The following SSC4D variants were observed in gnomAD, a reference collection of about 807,000 sequenced individuals.
SSC4D encodes scavenger receptor cysteine-rich domain-containing group B protein.
SSC4D carries 57 observed loss-of-function variants against 63.4 expected under a neutral mutation model. That is an observed-to-expected ratio of 0.90 (90% CI 0.73 to 1.12). The LOEUF (loss-of-function observed/expected upper bound fraction) is 1.12. Among genes scored for constraint, SSC4D ranks in the 50% most tolerant of loss-of-function variants. The pLI is 0.00. For missense variants in SSC4D, 791 were observed against 806.4 expected, an observed-to-expected ratio of 0.98 and a Z score of 0.23; for synonymous variants, 352 against 345.4, an observed-to-expected ratio of 1.02 and a Z score of -0.21.
At chr7:76,405,320 T>TGTA (rs1563687053) in intron 1 of SSC4D, among the ~76,000 whole-genome samples, 5 of 52,956 alleles carry the variant, frequency 9.4e-5, no homozygotes, top group Non-Finnish European at 1.7e-4. Context: ...TATATATGTA[T>TGTA]TTTTTTCTTT....
rs762110839 is a variant in SSC4D, at chr7:76,390,162, C to T, written c.1625G>A (p.Cys542Tyr). ...CAGCAGAGCACTTTCTTCCCCACGGCACTTGACATTGTCCAGGAGAATGGG... is the reference window on the plus strand; with the variant it reads ...CAGCAGAGCACTTTCTTCCCCACGGTACTTGACATTGTCCAGGAGAATGGG... Reference protein sequence around the residue: ...RGPILLDNVKCRGEESALLLC... With the variant: ...RGPILLDNVKYRGEESALLLC... Residue 542 changes from cysteine (C) to tyrosine (Y), a missense_variant, in exon 11 of 11, where the codon TGC becomes TAC. Cys to Tyr is a radical substitution (Grantham distance 194). Transcript: ENST00000275560. 7 of 1,614,120 alleles carry T rather than the reference C, an allele frequency of 4.3e-6. No homozygotes were observed. In the East Asian group the frequency reaches 1.3e-4, roughly 31 times the overall value.
chr7:76,390,344 T>C lies in SSC4D; in HGVS notation c.1443A>G (p.Arg481=), dbSNP rs1563678761. ...GGTAGAGCTCTACACGTCCCTCGCA[T>C]CGGTGGGCTCCATTGACCAGACGTA... is the stretch of plus-strand genomic sequence containing the variant. ...GHLRLVNGAH[R]CEGRVELYLG... The change falls in exon 11 of 11, where the codon CGA becomes CGG. Residue 481 remains arginine (R), a synonymous_variant. Coordinates refer to ENST00000275560, the MANE Select transcript of SSC4D (RefSeq NM_080744.2). 2.5e-6 allele frequency: 4 copies of C among 1,603,402 alleles called. No homozygotes were observed. The highest frequency in any genetic ancestry group is 3.4e-6 in the Non-Finnish European group (4 of 1,173,904).
At chr7:76,405,979 CTTTCT>C (rs201510499) in intron 1 of SSC4D, among the ~76,000 whole-genome samples, 10 of 148,010 alleles carry the variant, frequency 6.8e-5, no homozygotes, top group East Asian at 2.0e-4. Context: ...CTTTCCTTTC[CTTTCT>C]TTTCTTTTCT....
At position 76,390,132 on chromosome 7, in the gene SSC4D, C is replaced by G. The variant is rs991053622; in HGVS notation, c.1655G>C (p.Cys552Ser). Residue 552 changes from cysteine to serine, a missense_variant, in exon 11 of 11, where the codon TGC becomes TCC. Coordinates refer to ENST00000275560, the MANE Select transcript of SSC4D (RefSeq NM_080744.2). ...CRGEESALLL[C>S]SHIRWDAHNC... ...GTGGGCATCCCAGCGGATATGAGAG[C>G]AGAGCAGCAGAGCACTTTCTTCCCC... 1.2e-6 allele frequency: 2 copies of G among 1,614,220 alleles called. No homozygotes were observed. The highest frequency in any genetic ancestry group is 1.7e-6 in the Non-Finnish European group (2 of 1,180,048).
intron 7 of SSC4D, 84 bp from the exon 8 acceptor site, chr7:76,393,988 A>C: frequency 7.3e-7 from 1 of 1,367,242 alleles, no homozygotes; most frequent in Non-Finnish European, 1.0e-6. Context: ...GCCTACCAAG[A>C]CCCCCAACCC....
rs1040625282 is a variant in SSC4D, at chr7:76,389,921, A to G, written c.*138T>C. 8.9e-7 allele frequency: 1 copy of G among 1,125,050 alleles called. No individual in the cohort carries two copies. The highest frequency in any genetic ancestry group is 2.3e-5 in the Admixed American group (1 of 43,816). The allele number at this position is 1,125,050 out of a possible 1,614,324, so 69.7% of individuals were successfully genotyped here. On this transcript the variant is annotated 3_prime_UTR_variant, in exon 11 of 11. Coordinates refer to ENST00000275560, the MANE Select transcript of SSC4D (RefSeq NM_080744.2). ...GCCAGGCTCCCCCAAGCAGGACTGC[A>G]CTGTCTAGGTAGGCTCTCTCCCAGG...
intron 7 of SSC4D, 117 bp downstream of exon 7, chr7:76,395,136 C>T: frequency 3.3e-6 from 4 of 1,203,664 alleles, no homozygotes; most frequent in Non-Finnish European, 4.8e-6. Context: ...CACCATCTGG[C>T]CAAAGCCCTG....
intron 3 of SSC4D, 32 bp from the exon 4 acceptor site, chr7:76,400,623 T>G: frequency 7.0e-7 from 1 of 1,424,774 alleles, no homozygotes; most frequent in East Asian, 2.7e-5. Context: ...CACCAGGGGG[T>G]CACTGAGTCC....
chr7:76,404,774 A>C (rs1804946681), intron 1 of SSC4D, among the ~76,000 whole-genome samples: 1 of 150,830 alleles, frequency 6.6e-6, no homozygotes, highest in Non-Finnish European at 1.5e-5. Context: ...TGTTACCAAA[A>C]AATGCAAAAA....
In SSC4D at chr7:76,397,840, T is replaced by C; in HGVS notation, c.554-8A>G. ...GGCGTACGCTGCCCTCACCTGGGGA[T>C]GGGGGCGGGGGTCAGGGCGCATCTC... On this transcript the variant is annotated splice_polypyrimidine_tract_variant and splice_region_variant and intron_variant, in intron 5 of 10. Transcript: ENST00000275560. The C allele has an allele frequency of 6.5e-7, 1 of 1,548,638 alleles. No individual in the cohort carries two copies. Among genetic ancestry groups the C allele is most frequent in the African/African-American group, 1.4e-5 (1 of 73,532 alleles).
At position 76,390,367 on chromosome 7, in the gene SSC4D, G is replaced by A. The variant is rs141834404; in HGVS notation, c.1420C>T (p.Arg474Cys). 105 of 1,584,020 alleles carry A rather than the reference G, an allele frequency of 6.6e-5. No homozygotes were observed. The East Asian group carries it at 1.4e-3, about 21-fold the overall frequency. Residue 474 changes from arginine (R) to cysteine (C), a missense_variant, in exon 11 of 11, where the codon CGT (arginine) becomes TGT (cysteine). Arg to Cys is a radical substitution (Grantham distance 180). Coordinates refer to ENST00000275560, the MANE Select transcript of SSC4D (RefSeq NM_080744.2). ...CATCGGTGGGCTCCATTGACCAGACGTAGATGCCCTGTGGGGGGACAGGGC... is the reference window on the plus strand; with the variant it reads ...CATCGGTGGGCTCCATTGACCAGACATAGATGCCCTGTGGGGGGACAGGGC... ...PTPRPRDGHL[R>C]LVNGAHRCEG...
At chr7:76,397,894 C>G (rs1584023075) in intron 5 of SSC4D, 62 bp from the exon 6 acceptor site, 1 of 1,436,622 alleles carries the variant, frequency 7.0e-7, no homozygotes, top group East Asian at 2.5e-5. Context: ...GTCCGCACCG[C>G]AAGGGCAGCC....
At position 76,409,588 on chromosome 7, in the gene SSC4D, T is replaced by G. The variant is rs1354204400; in HGVS notation, c.-241A>C. 6.6e-6 allele frequency: 1 copy of G among 152,352 alleles called. No individual in the cohort carries two copies. Among genetic ancestry groups the G allele is most frequent in the East Asian group, 1.9e-4 (1 of 5,206 alleles). 9.4% of individuals were successfully genotyped at this position (152,352 alleles called of 1,614,324 possible). ...AAGGTGAGCAGAGGCAAAGTCCCTGTCCATGGAGCTGGCTGGTGGCCCCAG... is the reference window on the plus strand; with the variant it reads ...AAGGTGAGCAGAGGCAAAGTCCCTGGCCATGGAGCTGGCTGGTGGCCCCAG... On this transcript the variant is annotated 5_prime_UTR_variant, in exon 1 of 11. Coordinates refer to ENST00000275560, the MANE Select transcript of SSC4D (RefSeq NM_080744.2).
At chr7:76,405,519 A>G (rs1322520716) in intron 1 of SSC4D, among the ~76,000 whole-genome samples, 1 of 150,100 alleles carries the variant, frequency 6.7e-6, no homozygotes, top group Admixed American at 6.7e-5. Flanking sequence ...ATGGTGACAC[A>G]TGTCTGTAGC....
chr7:76,406,277 C>T (rs1002815314), intron 1 of SSC4D, among the ~76,000 whole-genome samples: 11 of 152,178 alleles, frequency 7.2e-5, no homozygotes, highest in African/African-American at 2.4e-4. Flanking sequence ...CGCACCTGGT[C>T]TGTGCATTCG....
intron 1 of SSC4D, among the ~76,000 whole-genome samples, chr7:76,405,979 C>CTTTCTTTTCT (rs201510499): frequency 2.8e-4 from 41 of 148,008 alleles, no homozygotes; most frequent in African/African-American, 8.5e-4. Flanking sequence ...CTTTCCTTTC[C>CTTTCTTTTCT]TTTCTTTTCT....
At position 76,389,854 on chromosome 7, in the gene SSC4D, C is replaced by G. The variant is rs946484043; in HGVS notation, c.*205G>C. On this transcript the variant is annotated 3_prime_UTR_variant, in exon 11 of 11. Coordinates refer to ENST00000275560, the MANE Select transcript of SSC4D (RefSeq NM_080744.2). ...TTCACTGAATTGGGCTCACAACAGT[C>G]GATGACAGGCTGAGGTCACGCAGTA... The G allele has an allele frequency of 1.2e-5, 8 of 641,074 alleles. No individual in the cohort carries two copies. The highest frequency in any genetic ancestry group is 2.7e-6 in the Non-Finnish European group (1 of 376,600). 39.7% of individuals were successfully genotyped at this position (641,074 alleles called of 1,614,324 possible).
At chr7:76,406,928 T>G (rs1158963487) in intron 1 of SSC4D, among the ~76,000 whole-genome samples, 2 of 152,094 alleles carry the variant, frequency 1.3e-5, no homozygotes, top group East Asian at 3.8e-4. Context: ...TTTCTCATTT[T>G]ATTGGCACAT....
chr7:76,395,838 C>A (rs1233732915), intron 6 of SSC4D, among the ~76,000 whole-genome samples: 1 of 152,242 alleles, frequency 6.6e-6, no homozygotes, highest in Non-Finnish European at 1.5e-5. Context: ...ATTACAGGCG[C>A]CTGCCAGCAC....
Sources: allele counts gnomAD v4.1 joint callset (sites outside exome capture counted in the v4.1 genomes callset), GRCh38; gene constraint gnomAD v4.1.1; transcripts MANE v1.5; gene names NCBI Gene and HGNC (gene_info 2026-07-23, HGNC 2026-07-21).